Variants in CDKL3 observed in about 807,000 individuals in gnomAD.
CDKL3 encodes cyclin dependent kinase like 3.
In CDKL3, 65 loss-of-function variants were observed where a neutral mutation model predicts 69.3. The observed-to-expected ratio is 0.94, with a 90% CI of 0.77 to 1.15. The LOEUF is 1.15. Ranked by LOEUF, CDKL3 falls within the 50% of genes most tolerant of loss-of-function variation. CDKL3 has a pLI of 0.00. For missense variants in CDKL3, 652 were observed against 689.2 expected, an observed-to-expected ratio of 0.95 and a Z score of 0.61; for synonymous variants, 202 against 221.6, an observed-to-expected ratio of 0.91 and a Z score of 0.79.
chr5:134,355,097 A>T (rs1754250828), intron 3 of CDKL3, among the ~76,000 whole-genome samples: 1 of 148,880 alleles, frequency 6.7e-6, no homozygotes, highest in Admixed American at 6.8e-5. Context: ...ACTACTAAAA[A>T]TTAAAAAAAA....
intron 4 of CDKL3, among the ~76,000 whole-genome samples, chr5:134,334,949 A>C (rs565823940): frequency 1.4e-4 from 21 of 152,100 alleles, no homozygotes; most frequent in Non-Finnish European, 2.6e-4. Context: ...TGGGAGTCTA[A>C]GTCTCTTTGT....
At chr5:134,359,070 G>A (rs1372034475) in intron 3 of CDKL3, among the ~76,000 whole-genome samples, 1 of 152,078 alleles carries the variant, frequency 6.6e-6, no homozygotes, top group Non-Finnish European at 1.5e-5. Flanking sequence ...CAAATCACTT[G>A]AGCCCAGGAG....
intron 3 of CDKL3, among the ~76,000 whole-genome samples, chr5:134,358,880 C>G (rs1755272614): frequency 6.6e-6 from 1 of 152,138 alleles, no homozygotes; most frequent in Non-Finnish European, 1.5e-5. Flanking sequence ...TCTCAAAATG[C>G]TGAGATTAGA....
At chr5:134,287,983 C>T (rs983330643) in intron 8 of CDKL3, among the ~76,000 whole-genome samples, 4 of 151,874 alleles carry the variant, frequency 2.6e-5, no homozygotes, top group Admixed American at 2.6e-4. Flanking sequence ...CAACCTCTGC[C>T]TCCCAGGTTC....
downstream of CDKL3, among the ~76,000 whole-genome samples, chr5:134,294,055 G>A (rs78024647): frequency 2.5e-3 from 381 of 152,220 alleles, no homozygotes; most frequent in African/African-American, 9.0e-3. Context: ...ATTACAGTGA[G>A]CTATAATCAC....
At chr5:134,358,338 C>A (rs996988827) in intron 3 of CDKL3, among the ~76,000 whole-genome samples, 1 of 152,154 alleles carries the variant, frequency 6.6e-6, no homozygotes, top group Non-Finnish European at 1.5e-5. Context: ...CCAACAAAAT[C>A]CTAGCTACAG....
chr5:134,346,837 T>C (rs1357286845), intron 4 of CDKL3, among the ~76,000 whole-genome samples: 3 of 152,156 alleles, frequency 2.0e-5, no homozygotes, highest in Non-Finnish European at 4.4e-5. Flanking sequence ...TTGCAATGCA[T>C]TGAAACCCAT....
intron 4 of CDKL3, among the ~76,000 whole-genome samples, chr5:134,339,969 C>CAGT (rs1750059490): frequency 6.6e-6 from 1 of 151,862 alleles, no homozygotes; most frequent in African/African-American, 2.4e-5. Flanking sequence ...CTGGGTAACA[C>CAGT]AGTGAGACCT....
downstream of CDKL3, among the ~76,000 whole-genome samples, chr5:134,293,590 G>A (rs1267774288): frequency 1.3e-5 from 2 of 152,104 alleles, no homozygotes; most frequent in Non-Finnish European, 2.9e-5. Context: ...GAGGCCAGGA[G>A]TTCAAGACCA....
At chr5:134,363,607 C>G (rs2149663534) in intron 2 of CDKL3, among the ~76,000 whole-genome samples, 1 of 152,066 alleles carries the variant, frequency 6.6e-6, no homozygotes, top group East Asian at 1.9e-4. Flanking sequence ...ACTACAGGCA[C>G]ACACTGCCAT....
rs1752963885 is a variant in CDKL3, at chr5:134,350,405, G to C, written c.383C>G (p.Pro128Arg). ...TGACTGGGATACTAAAATATTCTCA[G>C]GTTTTATATCTCGATGAATGATCTA... ...SNNIIHRDIKPENILVSQSGI... is the reference protein window; with the variant it reads ...SNNIIHRDIKRENILVSQSGI... Residue 128 changes from proline to arginine, a missense_variant, in exon 4 of 13, where the codon CCT (proline) becomes CGT (arginine). By Grantham distance (103) the Pro-to-Arg change is moderately radical. Coordinates refer to ENST00000265334, the MANE Select transcript of CDKL3 (RefSeq NM_001113575.2). 6.4e-7 allele frequency: 1 copy of C among 1,562,204 alleles called. No individual in the cohort carries two copies. The highest frequency in any genetic ancestry group is 1.4e-5 in the African/African-American group (1 of 73,604).
intron 4 of CDKL3, among the ~76,000 whole-genome samples, chr5:134,343,257 A>C (rs1456711416): frequency 6.6e-6 from 1 of 152,136 alleles, no homozygotes; most frequent in Admixed American, 6.5e-5. Flanking sequence ...AGCCTTACAG[A>C]TCAATGGAAC....
At chr5:134,288,550 G>T (rs898775765) in intron 8 of CDKL3, among the ~76,000 whole-genome samples, 2 of 152,172 alleles carry the variant, frequency 1.3e-5, no homozygotes, top group African/African-American at 4.8e-5. Flanking sequence ...GAGTTTCACA[G>T]GCAGTATGCA....
chr5:134,284,041 T>C (rs1455455498), downstream of CDKL3, among the ~76,000 whole-genome samples: 4 of 152,156 alleles, frequency 2.6e-5, no homozygotes, highest in Non-Finnish European at 4.4e-5. Context: ...CCCATGGTCA[T>C]GGGAAGCTCC....
chr5:134,361,218 A>G (rs1755921405), intron 2 of CDKL3, among the ~76,000 whole-genome samples: 1 of 152,020 alleles, frequency 6.6e-6, no homozygotes, highest in Admixed American at 6.6e-5. Flanking sequence ...ACTATCAAGA[A>G]TATGTGTTCA....
chr5:134,289,024 T>C (rs1580746991), intron 8 of CDKL3, among the ~76,000 whole-genome samples: 1 of 151,818 alleles, frequency 6.6e-6, no homozygotes, highest in Admixed American at 6.6e-5. Flanking sequence ...GAGCCCAGCA[T>C]GGTGGTGAAC....
At chr5:134,367,440 C>A, upstream of CDKL3, 2 of 942,976 alleles carry the variant, frequency 2.1e-6, no homozygotes, top group Non-Finnish European at 2.5e-6. Context: ...TGTCGCTGAT[C>A]TTGGCTCACT....
At chr5:134,352,197 T>C (rs958606030) in intron 3 of CDKL3, among the ~76,000 whole-genome samples, 1 of 152,186 alleles carries the variant, frequency 6.6e-6, no homozygotes. Context: ...TTTATCCACA[T>C]CATCACAAAT....
At chr5:134,337,368 C>G (rs1777384356) in intron 4 of CDKL3, among the ~76,000 whole-genome samples, 1 of 152,206 alleles carries the variant, frequency 6.6e-6, no homozygotes, top group African/African-American at 2.4e-5. Context: ...ACCCACTGTC[C>G]AACCAGTCCC....
Sources: allele counts gnomAD v4.1 joint callset (sites outside exome capture counted in the v4.1 genomes callset), GRCh38; gene constraint gnomAD v4.1.1; transcripts MANE v1.5; gene names NCBI Gene and HGNC (gene_info 2026-07-23, HGNC 2026-07-21).